Variants in IGSF1 observed in about 807,000 individuals in gnomAD.
IGSF1 encodes the protein immunoglobulin superfamily member 1, also known as immunoglobulin-like domain-containing protein 1.
In IGSF1, 40 loss-of-function variants were observed where a neutral mutation model predicts 95.3. That is an observed-to-expected ratio of 0.42 (90% confidence interval 0.33 to 0.55). The LOEUF is 0.55. Among genes scored for constraint, IGSF1 ranks in the 20% least tolerant of loss-of-function variants. The pLI, the probability that IGSF1 is intolerant of heterozygous loss-of-function variation, is 0.10. For synonymous variants in IGSF1, 372 were observed against 382.9 expected (o/e 0.97, Z 0.33); for missense variants, 906 against 1,025.4 (o/e 0.88, Z 1.59).
chrX:131,287,194 G>T (rs76473112), intron 1 of IGSF1, among the ~76,000 whole-genome samples: 4,463 of 88,010 alleles, frequency 0.051, 108 homozygotes, highest in Non-Finnish European at 0.063. Context: ...TATATATAGA[G>T]AGAGAGAGAG....
In IGSF1 at chrX:131,281,245, C is replaced by T. The variant is rs1283637501; in HGVS notation, c.1619G>A (p.Arg540Lys). The stretch of plus-strand genomic sequence containing the variant: ...GATTCTGAGTCTCCGACACTTCCAC[C>T]TTATCCACAGCACTACCAACAGCAA... ...VALLLVVLWI[R>K]WKCRRLRIRE... The change falls in exon 9 of 20, where the codon AGG becomes AAG. Residue 540 changes from arginine (R) to lysine (K), a missense_variant. Around this residue, in one of 5 missense-constraint regions of IGSF1, gnomAD observed 442 missense variants for 448.1 expected, o/e 0.99. Transcript: ENST00000361420. The T allele has an allele frequency of 1.6e-5, 19 of 1,209,223 alleles. No homozygotes were observed. The highest frequency in any genetic ancestry group is 3.5e-5 in the African/African-American group (2 of 57,041).
intron 1 of IGSF1, among the ~76,000 whole-genome samples, chrX:131,288,262 T>C (rs2080669718): frequency 8.9e-6 from 1 of 112,317 alleles, no homozygotes; most frequent in Non-Finnish European, 1.9e-5. Context: ...GCCAGGCACA[T>C]AGTGAACATT....
At chrX:131,274,475 T>A (rs1190330294) in intron 18 of IGSF1, 124 bp downstream of exon 18, 2 of 755,398 alleles carry the variant, frequency 2.6e-6, no homozygotes, top group Non-Finnish European at 3.8e-6. Context: ...AGGAGAAAGA[T>A]GACACACTTC....
rs1349561128 is a variant in IGSF1, at chrX:131,277,924, C to T, written c.2252G>A (p.Arg751His). The T allele has an allele frequency of 1.7e-6, 2 of 1,210,288 alleles. No individual in the cohort carries two copies. Among genetic ancestry groups the T allele is most frequent in the Admixed American group, 2.2e-5 (1 of 46,034 alleles). ...GAAGGGGCGTTTTTCAGTGTGAGTGCGGCAGCTGTAATTGCCTTCGTCTTT... is the reference window on the plus strand; with the variant it reads ...GAAGGGGCGTTTTTCAGTGTGAGTGTGGCAGCTGTAATTGCCTTCGTCTTT... ...EDKDEGNYSC[R>H]THTEKRPFKW... Residue 751 changes from arginine (R) to histidine (H), a missense_variant, in exon 13 of 20, where the codon CGC becomes CAC. This residue lies in a region of IGSF1 where 411 missense variants were observed against 494.9 expected (regional missense o/e 0.83). Transcript: ENST00000361420.
At chrX:131,281,179 G>C in intron 9 of IGSF1, 39 bp downstream of exon 9, 1 of 1,203,445 alleles carries the variant, frequency 8.3e-7, no homozygotes. Context: ...TTCAGACTCT[G>C]TTAGGTTGGG....
chrX:131,282,310 CGT>C (rs34764424), intron 7 of IGSF1, 132 bp downstream of exon 7: 51 of 449,161 alleles, frequency 1.1e-4, no homozygotes, highest in Admixed American at 1.6e-4. Flanking sequence ...CTTCCTAGTG[CGT>C]GTGTGTGTGT....
intron 10 of IGSF1, 43 bp from the exon 11 acceptor site, chrX:131,279,218 C>T (rs367676648): frequency 3.4e-4 from 405 of 1,208,171 alleles, no homozygotes; most frequent in East Asian, 1.3e-3. Flanking sequence ...CCTCCCCCAC[C>T]GGGACTTCAC....
chrX:131,274,323 T>C (rs781331998), intron 18 of IGSF1, 117 bp from the exon 19 acceptor site: 87 of 960,491 alleles, frequency 9.1e-5, no homozygotes, highest in Non-Finnish European at 1.2e-4. Context: ...GAGCCATCTG[T>C]TCAGACTACA....
At chrX:131,284,756 A>G in intron 5 of IGSF1, 2 of 794,682 alleles carry the variant, frequency 2.5e-6, no homozygotes, top group South Asian at 6.7e-5. Flanking sequence ...CTAGCAATCC[A>G]TTCTGTTTTC....
chrX:131,283,318 C>T (rs754573071), intron 5 of IGSF1, 54 bp from the exon 6 acceptor site: 285 of 997,412 alleles, frequency 2.9e-4, no homozygotes, highest in Non-Finnish European at 3.8e-4. Context: ...TTCCTGTTGT[C>T]TTCTGTTTTC....
chrX:131,275,724 C>G lies in IGSF1; in HGVS notation c.2938G>C (p.Val980Leu). 1 of 1,211,336 alleles carries G rather than the reference C, an allele frequency of 8.3e-7. No individual in the cohort carries two copies. Among genetic ancestry groups the G allele is most frequent in the South Asian group, 1.8e-5 (1 of 56,965 alleles). ...GTAACATTCTGCCCCATGGGAACCA[C>G]AGAACTGGGCTCAGCAAACAACCAT... Reference protein sequence around the residue: ...KPWLFAEPSSVVPMGQNVTLW... With the variant: ...KPWLFAEPSSLVPMGQNVTLW... Residue 980 changes from valine to leucine, a missense_variant, in exon 16 of 20, where the codon GTG becomes CTG. Physicochemically the swap from Val to Leu is conservative, Grantham distance 32 (BLOSUM62 1). Coordinates refer to ENST00000361420, the MANE Select transcript of IGSF1 (RefSeq NM_001555.5).
intron 8 of IGSF1, 139 bp downstream of exon 8, chrX:131,281,527 G>A (rs2080559243): frequency 1.1e-6 from 1 of 876,105 alleles, no homozygotes; most frequent in African/African-American, 2.0e-5. Context: ...GGAATTGTGA[G>A]ACCACCCCAG....
chrX:131,277,456 T>G, intron 13 of IGSF1: 1 of 399,686 alleles, frequency 2.5e-6, no homozygotes, highest in South Asian at 5.0e-5. Flanking sequence ...CTCAGTGTGA[T>G]CAGGGCAGGC....
At chrX:131,277,364 AAAGT>A (rs748246805) in intron 13 of IGSF1, 138 bp from the exon 14 acceptor site, 15 of 591,115 alleles carry the variant, frequency 2.5e-5, no homozygotes, top group Admixed American at 2.4e-4. Context: ...GTGCATTTAA[AAAGT>A]AAGGTAAATC....
At position 131,275,281 on chromosome X, in the gene IGSF1, G is replaced by C; in HGVS notation, c.3190C>G (p.Leu1064Val). ...TGGGCTAATAGGCTGGGTTTGGGGA[G>C]TAAGCCTGGAAGAAATGAACTCCTG... is the stretch of plus-strand genomic sequence containing the variant. Reference protein sequence around the residue: ...NTLELLVTGLLPKPSLLAQPG... With the variant: ...NTLELLVTGLVPKPSLLAQPG... The change falls in exon 17 of 20, where the codon CTC becomes GTC. Residue 1064 changes from leucine (L) to valine (V), a missense_variant. By Grantham distance (32) the Leu-to-Val change is conservative. Around this residue, in one of 5 missense-constraint regions of IGSF1, gnomAD observed 411 missense variants for 494.9 expected, o/e 0.83. Transcript: ENST00000361420. 1 of 1,210,424 alleles carries C rather than the reference G, an allele frequency of 8.3e-7. No individual in the cohort carries two copies. The highest frequency in any genetic ancestry group is 1.1e-6 in the Non-Finnish European group (1 of 894,317).
At chrX:131,281,370 T>C in intron 8 of IGSF1, 32 bp from the exon 9 acceptor site, 2 of 1,207,619 alleles carry the variant, frequency 1.7e-6, no homozygotes, top group Non-Finnish European at 2.2e-6. Flanking sequence ...ATCAGAGGCC[T>C]TGATGGGGAC....
At chrX:131,288,829 T>A (rs1260394105) in intron 1 of IGSF1, among the ~76,000 whole-genome samples, 1 of 106,335 alleles carries the variant, frequency 9.4e-6, no homozygotes, top group Non-Finnish European at 1.9e-5. Flanking sequence ...TCCCCACCCT[T>A]AGGCAGCGCC....
At chrX:131,280,562 G>C (rs2080542945) in intron 9 of IGSF1, among the ~76,000 whole-genome samples, 1 of 112,017 alleles carries the variant, frequency 8.9e-6, no homozygotes. Context: ...GAGAGAGGCA[G>C]ATGGCCCAGA....
chrX:131,288,840 G>A (rs2080678903), intron 1 of IGSF1, among the ~76,000 whole-genome samples: 1 of 106,653 alleles, frequency 9.4e-6, no homozygotes, highest in Admixed American at 1.0e-4. Flanking sequence ...AGGCAGCGCC[G>A]CAGTGCTTTT....
Sources: allele counts gnomAD v4.1 joint callset (sites outside exome capture counted in the v4.1 genomes callset), GRCh38; gene constraint gnomAD v4.1.1; regional missense constraint gnomAD v4.1.1; transcripts MANE v1.5; gene names NCBI Gene and HGNC (gene_info 2026-07-23, HGNC 2026-07-21).